Variants in PCDHA5 observed in about 807,000 individuals in gnomAD.
PCDHA5 encodes the protein protocadherin alpha-5.
Under a neutral mutation model 61.6 loss-of-function variants are expected in PCDHA5, and 43 were observed. The ratio of observed to expected loss-of-function variants is 0.70; its 90% CI spans 0.55 to 0.90. The LOEUF (loss-of-function observed/expected upper bound fraction) is 0.90, where lower values mean the gene tolerates loss of function less well. Among genes scored for constraint, PCDHA5 ranks in the 40% least tolerant of loss-of-function variants. The probability of loss-of-function intolerance (pLI) is 0.00; values close to 1 mark genes in which losing one functional copy is unlikely to be tolerated. For missense variants in PCDHA5, 1,298 were observed against 1,222.7 expected (o/e 1.06, Z -0.92); for synonymous variants, 627 against 543.9 (o/e 1.15, Z -2.13).
intron 1 of PCDHA5, chr5:140,824,610 G>GTTGTTT (rs1768193318): frequency 1.1e-5 from 1 of 95,104 alleles, no homozygotes; most frequent in African/African-American, 4.9e-5. Context: ...GCTAATTAAA[G>GTTGTTT]TTTTTTTTTT....
At chr5:140,927,248 A>G in intron 1 of PCDHA5, 1 of 1,614,064 alleles carries the variant, frequency 6.2e-7, no homozygotes. Flanking sequence ...GACACCAATG[A>G]CAACTCACCT....
At chr5:140,841,722 G>T in intron 1 of PCDHA5, 1 of 1,613,870 alleles carries the variant, frequency 6.2e-7, no homozygotes, top group Non-Finnish European at 8.5e-7. Flanking sequence ...CCAGTGTTCC[G>T]GGTAAAAGAC....
Position 140,863,381 on chromosome 5 carries a change from G to A in PCDHA5, c.2352+39254G>A, listed in dbSNP as rs1186134797. 4 of 1,058,516 alleles carry A rather than the reference G, an allele frequency of 3.8e-6. No homozygotes were observed. In the African/African-American group the frequency reaches 4.8e-5, roughly 13 times the overall value. 65.6% of individuals were successfully genotyped at this position (1,058,516 alleles called of 1,614,324 possible). ...CGGTGCTTGGCGCAGCTCACCGAGAGCTCGTGCATGCCGGGCAAGCCCACG... is the reference window on the plus strand; with the variant it reads ...CGGTGCTTGGCGCAGCTCACCGAGAACTCGTGCATGCCGGGCAAGCCCACG... On this transcript the variant is annotated intron_variant, in intron 1 of 3. Transcript: ENST00000529859.
intron 1 of PCDHA5, chr5:140,849,633 G>A: frequency 6.3e-7 from 1 of 1,598,806 alleles, no homozygotes; most frequent in African/African-American, 1.3e-5. Flanking sequence ...CCTAGACGCA[G>A]ATGCCAACGG....
chr5:140,956,186 T>C (rs1305769419), intron 1 of PCDHA5, among the ~76,000 whole-genome samples: 1 of 152,204 alleles, frequency 6.6e-6, no homozygotes, highest in Non-Finnish European at 1.5e-5. Context: ...AATACTATGC[T>C]GAATAGGAGT....
intron 1 of PCDHA5, among the ~76,000 whole-genome samples, chr5:140,878,662 C>G (rs1479409326): frequency 6.6e-6 from 1 of 152,194 alleles, no homozygotes; most frequent in African/African-American, 2.4e-5. Context: ...CCAGAGGCTT[C>G]TCTTTAACCA....
At chr5:140,969,766 C>A (rs1384743731) in intron 1 of PCDHA5, among the ~76,000 whole-genome samples, 2 of 152,130 alleles carry the variant, frequency 1.3e-5, no homozygotes, top group Non-Finnish European at 1.5e-5. Context: ...AGCTCTGAGG[C>A]CTCTAGGGGC....
At chr5:140,927,679 G>A (rs782403424) in intron 1 of PCDHA5, 11 of 1,614,188 alleles carry the variant, frequency 6.8e-6, no homozygotes, top group Non-Finnish European at 5.1e-6. Flanking sequence ...TCCAGATGAA[G>A]GGTCCAATGG....
intron 2 of PCDHA5, among the ~76,000 whole-genome samples, chr5:140,980,036 G>T (rs952735379): frequency 6.6e-6 from 1 of 152,176 alleles, no homozygotes; most frequent in African/African-American, 2.4e-5. Context: ...ATTACATTGG[G>T]TGCTATTTCT....
intron 1 of PCDHA5, among the ~76,000 whole-genome samples, chr5:140,934,913 G>A (rs1226804104): frequency 1.3e-5 from 2 of 152,062 alleles, no homozygotes; most frequent in African/African-American, 4.8e-5. Flanking sequence ...GAATAATTAT[G>A]GATTCACATA....
In PCDHA5 at chr5:140,850,779, G is replaced by A. The variant is rs1554144905; in HGVS notation, c.2352+26652G>A. 6.3e-7 allele frequency: 1 copy of A among 1,598,204 alleles called. No homozygotes were observed. Among genetic ancestry groups the A allele is most frequent in the Non-Finnish European group, 8.6e-7 (1 of 1,167,724 alleles). ...GAGGAGGCAGAGGGTGTGCTCTGGC[G>A]AGGGTAAGCAGAAGACCGACCTCAT... On this transcript the variant is annotated intron_variant, in intron 1 of 3. Coordinates refer to ENST00000529859, the MANE Select transcript of PCDHA5 (RefSeq NM_018908.3).
chr5:140,950,685 A>T (rs947460709), intron 1 of PCDHA5, among the ~76,000 whole-genome samples: 3 of 152,082 alleles, frequency 2.0e-5, no homozygotes, highest in Non-Finnish European at 4.4e-5. Context: ...GTATATTGTT[A>T]ACCAAATTTG....
chr5:140,866,808 G>C (rs995846650), intron 1 of PCDHA5: 1 of 152,114 alleles, frequency 6.6e-6, no homozygotes, highest in East Asian at 1.9e-4. Context: ...CAGGCACAAA[G>C]TTCCTTAATC....
intron 1 of PCDHA5, chr5:140,829,779 C>A (rs2150174490): frequency 6.2e-7 from 1 of 1,613,790 alleles, no homozygotes; most frequent in South Asian, 1.1e-5. Context: ...GACAACGCGC[C>A]GGCGCTGCTG....
At chr5:140,952,515 C>G (rs2094758109) in intron 1 of PCDHA5, among the ~76,000 whole-genome samples, 1 of 152,132 alleles carries the variant, frequency 6.6e-6, no homozygotes, top group Non-Finnish European at 1.5e-5. Context: ...TCATCTCCAT[C>G]TGAGACCTCC....
At chr5:140,857,581 G>C (rs781800563) in intron 1 of PCDHA5, 4 of 1,596,740 alleles carry the variant, frequency 2.5e-6, no homozygotes, top group African/African-American at 1.3e-5. Flanking sequence ...CGGTGCACGC[G>C]GAGAGCGGCA....
chr5:140,886,841 A>G lies in PCDHA5; in HGVS notation c.2352+62714A>G, dbSNP rs11748230. ...GACTTCGTCTTGAAAAAAAAAAAAA[A>G]AAAAAAGAAAGGTCTTCCCAACTCC... is the stretch of plus-strand genomic sequence containing the variant. On this transcript the variant is annotated intron_variant, in intron 1 of 3. Transcript: ENST00000529859. Among the ~76,000 whole-genome samples the G allele has an allele frequency of 9.0e-3, 1,368 of 151,662 alleles. 8 individuals are homozygous for G. Among genetic ancestry groups the G allele is most frequent in the Non-Finnish European group, 0.016 (1,078 of 67,864 alleles).
chr5:140,847,275 C>T (rs1232934318), intron 1 of PCDHA5, among the ~76,000 whole-genome samples: 1 of 149,636 alleles, frequency 6.7e-6, no homozygotes, highest in Non-Finnish European at 1.5e-5. Flanking sequence ...GAAGGTTGAA[C>T]GGGAAGACAA....
At position 140,946,631 on chromosome 5, in the gene PCDHA5, T is replaced by C. The variant is rs75895301; in HGVS notation, c.2353-32318T>C. Among the ~76,000 whole-genome samples, 565 of 131,680 alleles carry C rather than the reference T, an allele frequency of 4.3e-3. 19 individuals are homozygous for C. Among genetic ancestry groups the C allele is most frequent in the Middle Eastern group, 0.019 (5 of 266 alleles). 86.4% of individuals were successfully genotyped at this position (131,680 alleles called of 152,430 possible). A position where few individuals can be genotyped will look rare whatever the true frequency, so the allele number is the denominator to read the frequency against. On this transcript the variant is annotated intron_variant, in intron 1 of 3. Coordinates refer to ENST00000529859, the MANE Select transcript of PCDHA5 (RefSeq NM_018908.3). ...TGTGAAATATATATATATATATATA[T>C]ACAATGGAATACTCATCAGCCATTA... is the stretch of plus-strand genomic sequence containing the variant.
Sources: gnomAD v4.1 joint callset for allele counts (sites outside exome capture counted in the v4.1 genomes callset) on GRCh38, gnomAD v4.1.1 for gene constraint, MANE v1.5 for transcripts, NCBI Gene and HGNC (gene_info 2026-07-23, HGNC 2026-07-21) for gene names.